Variants in HELZ observed in about 807,000 individuals in gnomAD.
HELZ encodes the protein helicase with zinc finger, also known as ATP-dependent RNA helicase with zinc finger domain.
A neutral mutation model predicts 218.2 loss-of-function variants in HELZ; 23 were observed. The ratio of observed to expected loss-of-function variants is 0.11; its 90% CI spans 0.08 to 0.15. The LOEUF is 0.15. Ranked by LOEUF, HELZ falls within the 10% of genes least tolerant of loss-of-function variation. The pLI, the probability that HELZ is intolerant of heterozygous loss-of-function variation, is 1.00. For synonymous variants in HELZ, 814 were observed against 829.4 expected (o/e 0.98, Z 0.32); for missense variants, 1,813 against 2,353.7 (o/e 0.77, Z 4.75).
intron 18 of HELZ, chr17:67,150,256 A>C (rs965792073): frequency 4.0e-6 from 1 of 252,404 alleles, no homozygotes; most frequent in African/African-American, 2.3e-5. Flanking sequence ...CAGCCTCCCA[A>C]GTAGCTGAGA....
chr17:67,149,481 CA>C lies in HELZ; in HGVS notation c.2475+385del, dbSNP rs538545134. 6.5e-4 allele frequency among the ~76,000 whole-genome samples: 98 copies of C among 151,328 alleles called. 3 individuals carry two copies. The South Asian group carries it at 0.02, about 31-fold the overall frequency. ...TCTATTTCCTAGTTTTCTATTACAC[CA>C]AAAAAAATTACTCCTTCAGGTAAAC... On this transcript the variant is annotated intron_variant, in intron 19 of 32. Coordinates refer to ENST00000358691, the MANE Select transcript of HELZ (RefSeq NM_014877.4).
At chr17:67,127,256 C>T (rs1281783858) in intron 24 of HELZ, among the ~76,000 whole-genome samples, 1 of 152,174 alleles carries the variant, frequency 6.6e-6, no homozygotes, top group African/African-American at 2.4e-5. Context: ...GGCTAATTTG[C>T]TACTGTGCTC....
intron 31 of HELZ, among the ~76,000 whole-genome samples, chr17:67,105,528 C>T (rs2037074277): frequency 6.6e-6 from 1 of 152,170 alleles, no homozygotes; most frequent in South Asian, 2.1e-4. Context: ...TGGAATTAGA[C>T]AGTAGTGATG....
chr17:67,226,462 A>T (rs2040895452), intron 3 of HELZ, among the ~76,000 whole-genome samples: 1 of 152,186 alleles, frequency 6.6e-6, no homozygotes, highest in African/African-American at 2.4e-5. Flanking sequence ...ATTCCACTAC[A>T]TACCTATTAG....
intron 15 of HELZ, among the ~76,000 whole-genome samples, chr17:67,164,005 G>T (rs1472833823): frequency 6.6e-6 from 1 of 152,130 alleles, no homozygotes; most frequent in African/African-American, 2.4e-5. Flanking sequence ...TTTCAGAAGT[G>T]AGCATATCAA....
chr17:67,116,442 T>C (rs1233709308), intron 27 of HELZ, among the ~76,000 whole-genome samples: 1 of 151,410 alleles, frequency 6.6e-6, no homozygotes, highest in Non-Finnish European at 1.5e-5. Flanking sequence ...AAACAAACTT[T>C]AAATATAAAG....
chr17:67,113,462 G>A (rs187088073), intron 28 of HELZ, among the ~76,000 whole-genome samples: 104 of 152,124 alleles, frequency 6.8e-4, no homozygotes, highest in African/African-American at 2.4e-3. Flanking sequence ...GGGTTTCACC[G>A]TGTTAGCCTG....
intron 32 of HELZ, among the ~76,000 whole-genome samples, chr17:67,085,082 C>T (rs746268252): frequency 4.6e-5 from 7 of 151,366 alleles, no homozygotes; most frequent in Non-Finnish European, 8.8e-5. Flanking sequence ...ACTCTAGCCA[C>T]GGTGACAGAG....
At chr17:67,111,330 A>T (rs1172546058) in intron 28 of HELZ, among the ~76,000 whole-genome samples, 1 of 152,208 alleles carries the variant, frequency 6.6e-6, no homozygotes, top group Non-Finnish European at 1.5e-5. Context: ...ATAAAATATA[A>T]GATGGAAAGA....
chr17:67,232,336 TAG>T (rs2041060988), intron 3 of HELZ, among the ~76,000 whole-genome samples: 1 of 152,118 alleles, frequency 6.6e-6, no homozygotes, highest in African/African-American at 2.4e-5. Context: ...GTATTTTTAG[TAG>T]AGACGGGGTT....
intron 13 of HELZ, among the ~76,000 whole-genome samples, chr17:67,168,158 T>C (rs1382224430): frequency 6.6e-6 from 1 of 152,018 alleles, no homozygotes; most frequent in African/African-American, 2.4e-5. Context: ...TTTGTATTTT[T>C]AGTAGAGACA....
intron 19 of HELZ, among the ~76,000 whole-genome samples, 199 bp from the exon 20 acceptor site, chr17:67,148,913 C>T (rs1174498455): frequency 2.0e-5 from 3 of 152,172 alleles, no homozygotes; most frequent in African/African-American, 7.2e-5. Context: ...TCTAACTTCT[C>T]ATTGCAGTTT....
chr17:67,091,667 CAT>C (rs1314730263), intron 31 of HELZ, among the ~76,000 whole-genome samples: 1 of 152,106 alleles, frequency 6.6e-6, no homozygotes, highest in East Asian at 1.9e-4. Flanking sequence ...CATCTTTAAA[CAT>C]ATAATTTAAA....
At chr17:67,109,788 A>T (rs1057073902) in intron 28 of HELZ, 102 bp from the exon 29 acceptor site, 1 of 795,668 alleles carries the variant, frequency 1.3e-6, no homozygotes, top group Middle Eastern at 2.4e-4. Flanking sequence ...TGATACATTG[A>T]TATCTTCCAG....
In HELZ at chr17:67,078,384, A is replaced by C. The variant is rs1434440394; in HGVS notation, c.5697T>G (p.Ala1899=). Residue 1899 remains alanine (A), a synonymous_variant, in exon 33 of 33, where the codon GCT becomes GCG. Transcript: ENST00000358691. ...GGKPAMSYAS[A]LRAPPKPRPP... is the part of the protein sequence containing the mutation. ...GCCTGGGCTTTGGAGGGGCCCGCAGAGCGCTGGCATAGGACATGGCGGGCT... is the reference window on the plus strand; with the variant it reads ...GCCTGGGCTTTGGAGGGGCCCGCAGCGCGCTGGCATAGGACATGGCGGGCT... 1 of 1,609,552 alleles carries C rather than the reference A, an allele frequency of 6.2e-7. No homozygotes were observed. The highest frequency in any genetic ancestry group is 8.5e-7 in the Non-Finnish European group (1 of 1,178,642).
intron 9 of HELZ, 56 bp from the exon 10 acceptor site, chr17:67,190,411 TA>T: frequency 7.4e-7 from 1 of 1,358,964 alleles, no homozygotes; most frequent in Non-Finnish European, 1.0e-6. Context: ...CATTTAAAAA[TA>T]AACTCCCAGC....
At position 67,075,339 on chromosome 17, in the gene HELZ, T is replaced by C. The variant is rs2035989751; in HGVS notation, c.*2913A>G. 1 of 152,060 alleles carries C rather than the reference T, an allele frequency of 6.6e-6. No homozygotes were observed. Among genetic ancestry groups the C allele is most frequent in the South Asian group, 2.1e-4 (1 of 4,818 alleles). The allele number at this position is 152,060 out of a possible 1,614,324, so 9.4% of individuals were successfully genotyped here. A position where few individuals can be genotyped will look rare whatever the true frequency, so the allele number is the denominator to read the frequency against. ...AAAGACATTATGTGAACAATTAACC[T>C]CACTTAGAAAAAAATCTGCTCTGAA... On this transcript the variant is annotated 3_prime_UTR_variant, in exon 33 of 33. Transcript: ENST00000358691.
intron 32 of HELZ, among the ~76,000 whole-genome samples, chr17:67,081,630 T>C (rs973420184): frequency 6.7e-6 from 1 of 148,912 alleles, no homozygotes; most frequent in Non-Finnish European, 1.5e-5. Flanking sequence ...TCTTTTTCAC[T>C]GAGCTCTATG....
chr17:67,131,103 G>A (rs2037968140), intron 23 of HELZ, among the ~76,000 whole-genome samples: 1 of 152,088 alleles, frequency 6.6e-6, no homozygotes, highest in Non-Finnish European at 1.5e-5. Flanking sequence ...GCCAGGGCTG[G>A]TTTCAAACTC....
Sources: gnomAD v4.1 joint callset for allele counts (sites outside exome capture counted in the v4.1 genomes callset) on GRCh38, gnomAD v4.1.1 for gene constraint, MANE v1.5 for transcripts, NCBI Gene and HGNC (gene_info 2026-07-23, HGNC 2026-07-21) for gene names.